Variants in UBR4 observed in about 807,000 individuals in gnomAD.
UBR4 encodes ubiquitin protein ligase E3 component n-recognin 4.
A neutral mutation model predicts 575.6 loss-of-function variants in UBR4; 124 were observed. The ratio of observed to expected loss-of-function variants is 0.22; its 90% CI spans 0.19 to 0.25. The LOEUF is 0.25. Ranked by LOEUF, UBR4 falls within the 10% of genes least tolerant of loss-of-function variation. The probability of loss-of-function intolerance (pLI) is 1.00; values close to 1 mark genes in which losing one functional copy is unlikely to be tolerated. For missense variants in UBR4, 4,818 were observed against 6,478.8 expected (o/e 0.74, Z 8.80); for synonymous variants, 2,455 against 2,473.7 (o/e 0.99, Z 0.22).
rs1341335099 is a variant in UBR4 at position 19,150,606 on chromosome 1, G to T, written c.7401C>A (p.Pro2467=). ...CCAGGACAGTTCCACTGGTCGTAGT[G>T]GGGGCAGCTGAGTCGCTATCTCCAG... ...NGTGDSDSAA[P]TTTSGTVLER... Residue 2467 remains proline (P), a synonymous_variant, in exon 49 of 106, where the codon CCC becomes CCA. Transcript: ENST00000375254. 1 of 1,613,622 alleles carries T rather than the reference G, an allele frequency of 6.2e-7. No individual in the cohort carries two copies. Among genetic ancestry groups the T allele is most frequent in the Non-Finnish European group, 8.5e-7 (1 of 1,180,018 alleles).
intron 103 of UBR4, chr1:19,079,247 C>T (rs545620358): frequency 6.6e-5 from 10 of 152,108 alleles, no homozygotes; most frequent in Non-Finnish European, 1.3e-4. Flanking sequence ...ATAAATAACT[C>T]GCAAAAAACA....
chr1:19,144,680 C>T, intron 54 of UBR4, 106 bp downstream of exon 54: 11 of 1,455,046 alleles, frequency 7.6e-6, no homozygotes, highest in Non-Finnish European at 9.2e-6. Flanking sequence ...TCATTCCCTT[C>T]AGCTTCCTCT....
In UBR4 at chr1:19,121,308, C is replaced by A. The variant is rs1216509850; in HGVS notation, c.10022G>T (p.Gly3341Val). ...KVLAALAASS[G>V]SSSASSSSAP... ...TGAGGAGGAAGAAGCACTGGAGGAT[C>A]CCGAAGAGGCTGCCAGTGCAGCGAG... The change falls in exon 68 of 106, where the codon GGA becomes GTA. Residue 3341 changes from glycine (G) to valine (V), a missense_variant. Physicochemically the swap from Gly to Val is moderately radical, Grantham distance 109 (BLOSUM62 -3). Coordinates refer to ENST00000375254, the MANE Select transcript of UBR4 (RefSeq NM_020765.3). 6.2e-7 allele frequency: 1 copy of A among 1,614,182 alleles called. No individual in the cohort carries two copies.
chr1:19,101,018 G>C (rs954435620), intron 88 of UBR4, among the ~76,000 whole-genome samples: 1 of 151,994 alleles, frequency 6.6e-6, no homozygotes, highest in Non-Finnish European at 1.5e-5. Context: ...CCCCCAATGA[G>C]CTCTCATTGC....
At chr1:19,127,807 T>C in intron 62 of UBR4, 68 bp from the exon 63 acceptor site, 1 of 1,296,694 alleles carries the variant, frequency 7.7e-7, no homozygotes, top group Non-Finnish European at 1.1e-6. Context: ...CTGAACAAGA[T>C]CCCTTCAAGT....
rs1478952850 is a variant in UBR4, at chr1:19,161,018, T to C, written c.5305A>G (p.Lys1769Glu). Reference sequence around the variant, plus strand: ...ACCTTTCCATCACTGATGGTAACCTTGGCTTTGTCAGCTGGCGAGGAGGTG... The same window carrying C: ...ACCTTTCCATCACTGATGGTAACCTCGGCTTTGTCAGCTGGCGAGGAGGTG... ...ASTSSPADKA[K>E]VTISDGKVAD... The change falls in exon 38 of 106, where the codon AAG becomes GAG. Residue 1769 changes from lysine to glutamate, a missense_variant. Coordinates refer to ENST00000375254, the MANE Select transcript of UBR4 (RefSeq NM_020765.3). 1 of 1,614,186 alleles carries C rather than the reference T, an allele frequency of 6.2e-7. No individual in the cohort carries two copies. Among genetic ancestry groups the C allele is most frequent in the Non-Finnish European group, 8.5e-7 (1 of 1,180,028 alleles).
chr1:19,191,913 T>A (rs994789975), intron 11 of UBR4, among the ~76,000 whole-genome samples: 1 of 152,232 alleles, frequency 6.6e-6, no homozygotes, highest in African/African-American at 2.4e-5. Context: ...GTTTTTCTGA[T>A]GTGAACTTCA....
At position 19,121,145 on chromosome 1, in the gene UBR4, T is replaced by G. The variant is rs754862856; in HGVS notation, c.10141+44A>C. On this transcript the variant is annotated intron_variant, in intron 68 of 105. Transcript: ENST00000375254. ...CAAACCATGTGCTCCAAGAGAGATT[T>G]ACATACATCATTGTAGTCACAATGA... 9.4e-6 allele frequency: 15 copies of G among 1,598,212 alleles called. No individual in the cohort carries two copies. The South Asian group carries it at 1.7e-4, about 18-fold the overall frequency.
In UBR4 at chr1:19,139,333, G is replaced by GTGTCCTATGCACTATGT; in HGVS notation, c.8594-114_8594-113insACATAGTGCATAGGACA. 1 of 1,346,982 alleles carries GTGTCCTATGCACTATGT rather than the reference G, an allele frequency of 7.4e-7. No homozygotes were observed. The highest frequency in any genetic ancestry group is 9.7e-7 in the Non-Finnish European group (1 of 1,028,044). The allele number at this position is 1,346,982 out of a possible 1,614,324, so 83.4% of individuals were successfully genotyped here. A position where few individuals can be genotyped will look rare whatever the true frequency, so the allele number is the denominator to read the frequency against. ...AAAGCATCAAACCACATAGTGCATA[G>GTGTCCTATGCACTATGT]GACACAATGCAGTTTATATATCCTG... On this transcript the variant is annotated intron_variant, in intron 58 of 105. Coordinates refer to ENST00000375254, the MANE Select transcript of UBR4 (RefSeq NM_020765.3). The surrounding 1 kb of genome is among the most constrained non-coding windows in gnomAD (Gnocchi z 4.2).
Position 19,093,338 on chromosome 1 carries a change from T to G in UBR4, c.14086A>C (p.Lys4696Gln). The change falls in exon 96 of 106, where the codon AAA becomes CAA. Residue 4696 changes from lysine (K) to glutamine (Q), a missense_variant. Transcript: ENST00000375254. This position sits in a 1 kb window ranked among gnomAD's most constrained non-coding sequence, Gnocchi z 4.8. ...TTCTTGGCGCTAGGGATGTGCTTTTTCATGTAGTCAAGTGCATTCTGGGTG... is the reference window on the plus strand; with the variant it reads ...TTCTTGGCGCTAGGGATGTGCTTTTGCATGTAGTCAAGTGCATTCTGGGTG... ...GITQNALDYMKKHIPSAKNLD... is the reference protein window; with the variant it reads ...GITQNALDYMQKHIPSAKNLD... 6.2e-7 allele frequency: 1 copy of G among 1,614,012 alleles called. No individual in the cohort carries two copies. The highest frequency in any genetic ancestry group is 8.5e-7 in the Non-Finnish European group (1 of 1,180,028).
intron 58 of UBR4, among the ~76,000 whole-genome samples, chr1:19,140,507 G>C (rs945584155): frequency 3.9e-5 from 6 of 152,256 alleles, no homozygotes; most frequent in Admixed American, 3.3e-4. Context: ...AAGCTGAAGT[G>C]GAAGCCCTGT....
In UBR4 at chr1:19,152,548, C is replaced by T. The variant is rs927481073; in HGVS notation, c.6833-72G>A. On this transcript the variant is annotated intron_variant, in intron 46 of 105. Coordinates refer to ENST00000375254, the MANE Select transcript of UBR4 (RefSeq NM_020765.3). The surrounding 1 kb of genome is among the most constrained non-coding windows in gnomAD (Gnocchi z 4.4). Reference sequence around the variant, plus strand: ...CCCAACACCACTGGTAAAGACTCCTCCCAGACAGAGCCCACACTCACACTC... The same window carrying T: ...CCCAACACCACTGGTAAAGACTCCTTCCAGACAGAGCCCACACTCACACTC... 6.3e-7 allele frequency: 1 copy of T among 1,585,386 alleles called. No individual in the cohort carries two copies. Among genetic ancestry groups the T allele is most frequent in the South Asian group, 1.1e-5 (1 of 88,122 alleles).
chr1:19,156,721 T>C (rs1203891315), intron 41 of UBR4, 46 bp downstream of exon 41: 1 of 1,582,738 alleles, frequency 6.3e-7, no homozygotes, highest in Non-Finnish European at 8.6e-7. Flanking sequence ...AGAAAATGAC[T>C]AGAATCCACA....
rs917092997 is a variant in UBR4, at chr1:19,158,193, T to G, written c.5578-196A>C. Reference sequence around the variant, plus strand: ...CCATTAAGAATAACATAGTAAATGTTTTCATAAAGCTAAACTTAAATACAA... The same window carrying G: ...CCATTAAGAATAACATAGTAAATGTGTTCATAAAGCTAAACTTAAATACAA... On this transcript the variant is annotated intron_variant, in intron 39 of 105. Coordinates refer to ENST00000375254, the MANE Select transcript of UBR4 (RefSeq NM_020765.3). Among the ~76,000 whole-genome samples the G allele has an allele frequency of 2.6e-5, 4 of 152,206 alleles. No homozygotes were observed. The East Asian group carries it at 7.7e-4, about 29-fold the overall frequency.
chr1:19,167,966 C>T, intron 28 of UBR4, 61 bp downstream of exon 28: 3 of 1,435,328 alleles, frequency 2.1e-6, no homozygotes, highest in East Asian at 4.9e-5. Context: ...TCTCACTGTC[C>T]CTCTTTAACC....
At chr1:19,191,912 AT>A (rs2092115787) in intron 11 of UBR4, among the ~76,000 whole-genome samples, 1 of 152,224 alleles carries the variant, frequency 6.6e-6, no homozygotes, top group African/African-American at 2.4e-5. Flanking sequence ...TGTTTTTCTG[AT>A]GTGAACTTCA....
intron 11 of UBR4, among the ~76,000 whole-genome samples, chr1:19,190,312 A>AAAAAAAAAAATATATATATATAT: frequency 2.9e-4 from 23 of 79,892 alleles, no homozygotes; most frequent in African/African-American, 3.7e-4. Context: ...AAAAAAAAAA[A>AAAAAAAAAAATATATATATATAT]ATATATATAT....
chr1:19,193,541 C>A lies in UBR4; in HGVS notation c.1035G>T (p.Thr345=). 4 of 1,613,872 alleles carry A rather than the reference C, an allele frequency of 2.5e-6. No homozygotes were observed. The highest frequency in any genetic ancestry group is 3.4e-6 in the Non-Finnish European group (4 of 1,179,870). The stretch of plus-strand genomic sequence containing the variant: ...TACCCACATGGAGGATGGCCATGCA[C>A]GTTGCCACACTCACACCTGAAAAAG... ...SCLYAGVSVA[T]CMAILHVGSA... The change falls in exon 9 of 106, where the codon ACG becomes ACT. Residue 345 remains threonine (T), a synonymous_variant. Coordinates refer to ENST00000375254, the MANE Select transcript of UBR4 (RefSeq NM_020765.3).
Position 19,155,466 on chromosome 1 carries a change from A to G in UBR4, c.6275T>C (p.Leu2092Ser), listed in dbSNP as rs761732280. ...QQGPFYVTNV[L>S]EINHEDLKDS... ...CTTCAGGTCCTCATGATTGATTTCC[A>G]ACACATTAGTGACATAGAAGGGTCC... Residue 2092 changes from leucine to serine, a missense_variant, in exon 43 of 106, where the codon TTG becomes TCG. Transcript: ENST00000375254. 3 of 1,614,156 alleles carry G rather than the reference A, an allele frequency of 1.9e-6. No homozygotes were observed. The highest frequency in any genetic ancestry group is 2.5e-6 in the Non-Finnish European group (3 of 1,179,994).
Sources: allele counts gnomAD v4.1 joint callset (sites outside exome capture counted in the v4.1 genomes callset), GRCh38; gene constraint gnomAD v4.1.1; non-coding constraint Gnocchi (gnomAD v3.1); transcripts MANE v1.5; gene names NCBI Gene and HGNC (gene_info 2026-07-23, HGNC 2026-07-21).